The following CYP3A43 variants were observed in gnomAD, a reference collection of about 807,000 sequenced individuals.
CYP3A43 encodes the protein cytochrome P450 3A43.
CYP3A43 carries 45 observed loss-of-function variants against 58.0 expected under a neutral mutation model. The ratio of observed to expected loss-of-function variants is 0.78; its 90% CI spans 0.61 to 0.99. The LOEUF (loss-of-function observed/expected upper bound fraction) is 0.99, where lower values mean the gene tolerates loss of function less well. Among genes scored for constraint, CYP3A43 ranks in the 50% least tolerant of loss-of-function variants. The probability of loss-of-function intolerance (pLI) is 0.00; values close to 1 mark genes in which losing one functional copy is unlikely to be tolerated. For synonymous variants in CYP3A43, 191 were observed against 201.4 expected (o/e 0.95, Z 0.44); for missense variants, 593 against 591.9 (o/e 1.00, Z -0.02).
chr7:99,853,295 T>C (rs902629000), intron 7 of CYP3A43, among the ~76,000 whole-genome samples: 1 of 152,224 alleles, frequency 6.6e-6, no homozygotes, highest in African/African-American at 2.4e-5. Context: ...ATTCAGATTG[T>C]CTGTTTCTTT....
intron 12 of CYP3A43, among the ~76,000 whole-genome samples, chr7:99,864,675 G>A (rs1818379382): frequency 6.7e-6 from 1 of 148,696 alleles, no homozygotes; most frequent in Non-Finnish European, 1.5e-5. Flanking sequence ...GTCCAATAGT[G>A]TCTTGCAGAG....
rs1301705611 is a variant in CYP3A43, at chr7:99,856,854, C to A, written c.820C>A (p.Gln274Lys). The A allele has an allele frequency of 4.3e-6, 7 of 1,613,964 alleles. No individual in the cohort carries two copies. The highest frequency in any genetic ancestry group is 5.9e-6 in the Non-Finnish European group (7 of 1,179,950). The change falls in exon 9 of 13, where the codon CAG (glutamine) becomes AAG (lysine). Residue 274 changes from glutamine (Q) to lysine (K), a missense_variant. Transcript: ENST00000354829. Reference protein sequence around the residue: ...KQKHRVDFFQQMIDSQNSKET... With the variant: ...KQKHRVDFFQKMIDSQNSKET... ...CCAGCATCGAGTAGATTTCTTTCAA[C>A]AGATGATCGACTCCCAGAATTCCAA...
chr7:99,863,912 A>G (rs1792614182), intron 12 of CYP3A43, among the ~76,000 whole-genome samples: 1 of 148,684 alleles, frequency 6.7e-6, no homozygotes, highest in Admixed American at 6.6e-5. Flanking sequence ...TCTAATGTCA[A>G]TATAGATTAG....
Position 99,856,847 on chromosome 7 carries a change from C to T in CYP3A43, c.813C>T (p.Phe271=), listed in dbSNP as rs908333742. ...TTTGCTTCCAGCATCGAGTAGATTT[C>T]TTTCAACAGATGATCGACTCCCAGA... The part of the protein sequence containing the change: ...LKDKQKHRVD[F]FQQMIDSQNS... The change falls in exon 9 of 13, where the codon TTC becomes TTT. Residue 271 remains phenylalanine (F), a synonymous_variant. Coordinates refer to ENST00000354829, the MANE Select transcript of CYP3A43 (RefSeq NM_057095.3). 19 of 1,613,950 alleles carry T rather than the reference C, an allele frequency of 1.2e-5. No individual in the cohort carries two copies. Among genetic ancestry groups the T allele is most frequent in the Non-Finnish European group, 1.4e-5 (17 of 1,179,946 alleles).
intron 3 of CYP3A43, among the ~76,000 whole-genome samples, chr7:99,843,132 G>A (rs569766421): frequency 7.9e-5 from 12 of 152,038 alleles, no homozygotes; most frequent in Non-Finnish European, 1.5e-4. Flanking sequence ...TTTCCTCTAT[G>A]CCCTCTTTTC....
intron 2 of CYP3A43, 198 bp from the exon 3 acceptor site, chr7:99,838,922 A>G (rs1584204851): frequency 1.6e-6 from 1 of 641,924 alleles, no homozygotes; most frequent in South Asian, 2.0e-5. Context: ...AGAGGTTGCA[A>G]TGAGCCAAGA....
At chr7:99,835,859 G>A (rs1018411711) in intron 1 of CYP3A43, among the ~76,000 whole-genome samples, 1 of 152,100 alleles carries the variant, frequency 6.6e-6, no homozygotes, top group Admixed American at 6.5e-5. Flanking sequence ...CCTTCCTCTG[G>A]GCATAGACAT....
At chr7:99,858,933 A>G (rs1818108531) in intron 9 of CYP3A43, among the ~76,000 whole-genome samples, 2 of 151,866 alleles carry the variant, frequency 1.3e-5, no homozygotes, top group African/African-American at 4.8e-5. Context: ...CCTGACCTCA[A>G]TGATCCTCCT....
At chr7:99,860,025 G>A (rs1172003854) in intron 10 of CYP3A43, 35 bp downstream of exon 10, 10 of 1,538,410 alleles carry the variant, frequency 6.5e-6, no homozygotes, top group Admixed American at 2.1e-5. Flanking sequence ...GGAGGGAGAA[G>A]GTGAAGCCTC....
chr7:99,843,381 T>C (rs535402895), intron 3 of CYP3A43, among the ~76,000 whole-genome samples: 65 of 152,250 alleles, frequency 4.3e-4, no homozygotes, highest in African/African-American at 1.6e-3. Context: ...AAGGCTCCAG[T>C]CTCTGTCACT....
At chr7:99,852,785 C>T (rs1179864547) in intron 7 of CYP3A43, among the ~76,000 whole-genome samples, 1 of 152,118 alleles carries the variant, frequency 6.6e-6, no homozygotes, top group African/African-American at 2.4e-5. Context: ...TGCCCTGTAT[C>T]AGGTGGAAGA....
At chr7:99,839,617 G>A (rs1276994718) in intron 3 of CYP3A43, among the ~76,000 whole-genome samples, 2 of 152,106 alleles carry the variant, frequency 1.3e-5, no homozygotes, top group African/African-American at 4.8e-5. Flanking sequence ...ACAGATATAG[G>A]GGGTCTCCCT....
intron 3 of CYP3A43, among the ~76,000 whole-genome samples, chr7:99,842,577 G>T (rs1337074434): frequency 6.6e-6 from 1 of 151,564 alleles, no homozygotes; most frequent in Admixed American, 6.6e-5. Flanking sequence ...CACTTTTTAC[G>T]TAATAAAACA....
chr7:99,861,759 G>A lies in CYP3A43; in HGVS notation c.1173G>A (p.Gly391=). 1.2e-6 allele frequency: 2 copies of A among 1,614,146 alleles called. No individual in the cohort carries two copies. The highest frequency in any genetic ancestry group is 1.7e-6 in the Non-Finnish European group (2 of 1,180,012). Residue 391 remains glycine (G), a synonymous_variant, in exon 11 of 13, where the codon GGG becomes GGA. Transcript: ENST00000354829. The part of the protein sequence containing the change: ...IEINGVFIPK[G]LAVMVPIYAL... ...TCAATGGAGTGTTCATTCCCAAAGG[G>A]TTAGCAGTGATGGTTCCAATCTATG...
rs183651150 is a variant in CYP3A43 at position 99,847,555 on chromosome 7, T to C, written c.386T>C (p.Ile129Thr). 1.4e-5 allele frequency: 23 copies of C among 1,613,880 alleles called. No individual in the cohort carries two copies. The highest frequency in any genetic ancestry group is 1.8e-5 in the Non-Finnish European group (21 of 1,179,976). The part of the protein sequence containing the change: ...SFAEDEEWKR[I>T]RTLLSPAFTS... ...GCTGAAGATGAAGAATGGAAGAGAATACGAACATTGCTATCTCCAGCTTTC... is the reference window on the plus strand; with the variant it reads ...GCTGAAGATGAAGAATGGAAGAGAACACGAACATTGCTATCTCCAGCTTTC... The change falls in exon 5 of 13, where the codon ATA (isoleucine) becomes ACA (threonine). Residue 129 changes from isoleucine to threonine, a missense_variant. Coordinates refer to ENST00000354829, the MANE Select transcript of CYP3A43 (RefSeq NM_057095.3).
At chr7:99,850,908 C>T (rs1317319959) in intron 7 of CYP3A43, among the ~76,000 whole-genome samples, 3 of 151,706 alleles carry the variant, frequency 2.0e-5, no homozygotes, top group Non-Finnish European at 4.4e-5. Flanking sequence ...GTGGCTCATG[C>T]CTGTAATCCC....
chr7:99,836,467 C>T lies in CYP3A43; in HGVS notation c.86C>T (p.Ser29Leu), dbSNP rs762918928. ...LVLLYIYGTH[S>L]HKLFKKLGIP... ...TTATTTTATAGTTATGGGACCCATT[C>T]ACATAAACTTTTTAAGAAGCTGGGA... is the stretch of plus-strand genomic sequence containing the variant. Residue 29 changes from serine to leucine, a missense_variant, in exon 2 of 13, where the codon TCA becomes TTA. By Grantham distance (145) the Ser-to-Leu change is moderately radical. Transcript: ENST00000354829. 1 of 1,610,738 alleles carries T rather than the reference C, an allele frequency of 6.2e-7. No homozygotes were observed. The highest frequency in any genetic ancestry group is 8.5e-7 in the Non-Finnish European group (1 of 1,179,256).
chr7:99,839,358 G>C (rs940856987), intron 3 of CYP3A43, 186 bp downstream of exon 3: 2 of 751,250 alleles, frequency 2.7e-6, no homozygotes, highest in Non-Finnish European at 4.7e-6. Flanking sequence ...GGGAATATGC[G>C]TGTCATAGGA....
intron 7 of CYP3A43, among the ~76,000 whole-genome samples, chr7:99,850,294 A>T (rs1817710471): frequency 6.9e-6 from 1 of 145,738 alleles, no homozygotes; most frequent in South Asian, 2.2e-4. Flanking sequence ...ACAGAGTCTA[A>T]CTCTGTTGCC....
Sources: gnomAD v4.1 joint callset for allele counts (sites outside exome capture counted in the v4.1 genomes callset) on GRCh38, gnomAD v4.1.1 for gene constraint, MANE v1.5 for transcripts, NCBI Gene and HGNC (gene_info 2026-07-23, HGNC 2026-07-21) for gene names.